The following FIP1L1 variants were observed in gnomAD, a reference collection of about 807,000 sequenced individuals.
The protein encoded by FIP1L1 is factor interacting with PAPOLA and CPSF1, also known as pre-mRNA 3'-end-processing factor FIP1.
In FIP1L1, 21 loss-of-function variants were observed where a neutral mutation model predicts 84.6. The ratio of observed to expected loss-of-function variants is 0.25; its 90% CI spans 0.18 to 0.36. The LOEUF (loss-of-function observed/expected upper bound fraction) is 0.36, where lower values mean the gene tolerates loss of function less well. FIP1L1 is among the 10% of genes least tolerant of loss of function. The pLI is 1.00. For synonymous variants in FIP1L1, 263 were observed against 242.3 expected, an observed-to-expected ratio of 1.09 and a Z score of -0.80; for missense variants, 526 against 751.1, an observed-to-expected ratio of 0.70 and a Z score of 3.50.
intron 1 of FIP1L1, 55 bp downstream of exon 1, chr4:53,377,978 C>T (rs1231584555): frequency 7.0e-6 from 10 of 1,421,162 alleles, no homozygotes; most frequent in Non-Finnish European, 7.5e-6. Context: ...CCCTCTTGGC[C>T]CTCAAACGGC....
chr4:53,408,490 A>G lies in FIP1L1; in HGVS notation c.816-6125A>G, dbSNP rs576948941. 2.8e-4 allele frequency among the ~76,000 whole-genome samples: 43 copies of G among 152,178 alleles called. No individual in the cohort carries two copies. The East Asian group carries it at 5.0e-3, about 18-fold the overall frequency. On this transcript the variant is annotated intron_variant, in intron 10 of 17. Coordinates refer to ENST00000337488, the MANE Select transcript of FIP1L1 (RefSeq NM_030917.4). ...TATGTGTCTTGGAGTTGCTCTTCTC[A>G]AGGAGTATCTTTGTGGCGTTCTCTG...
chr4:53,403,664 G>A (rs1362434071), intron 10 of FIP1L1, among the ~76,000 whole-genome samples: 2 of 152,164 alleles, frequency 1.3e-5, no homozygotes, highest in Admixed American at 6.5e-5. Context: ...GATGAATATG[G>A]CGGATGAGGC....
At chr4:53,380,052 A>G (rs971580989) in intron 3 of FIP1L1, among the ~76,000 whole-genome samples, 21 of 152,212 alleles carry the variant, frequency 1.4e-4, no homozygotes, top group Non-Finnish European at 2.8e-4. Context: ...TTCTGGTGGG[A>G]TTGTAAAATG....
chr4:53,391,321 G>T, intron 8 of FIP1L1, 109 bp from the exon 9 acceptor site: 2 of 1,159,482 alleles, frequency 1.7e-6, no homozygotes, highest in South Asian at 2.7e-5. Flanking sequence ...ATGATTATCT[G>T]ATGTTCTTAC....
chr4:53,448,918 A>G (rs541173496), intron 15 of FIP1L1, among the ~76,000 whole-genome samples: 1 of 152,242 alleles, frequency 6.6e-6, no homozygotes, highest in African/African-American at 2.4e-5. Context: ...TGTTATATAC[A>G]TTTGAACAGT....
intron 16 of FIP1L1, 167 bp from the exon 17 acceptor site, chr4:53,458,486 C>A: frequency 1.9e-6 from 1 of 528,612 alleles, no homozygotes; most frequent in Admixed American, 3.6e-5. Context: ...TGAGAACAAG[C>A]ATTATTTTCC....
rs547436794 is a variant in FIP1L1 at position 53,441,886 on chromosome 4, G to C, written c.1175-767G>C. On this transcript the variant is annotated intron_variant, in intron 13 of 17. Coordinates refer to ENST00000337488, the MANE Select transcript of FIP1L1 (RefSeq NM_030917.4). ...TAATTGTTAACACTTGGAAGGAATT[G>C]GTATCATAAGGAATTGACATCATAA... Among the ~76,000 whole-genome samples, 8 of 151,988 alleles carry C rather than the reference G, an allele frequency of 5.3e-5. No individual in the cohort carries two copies. In the South Asian group the frequency reaches 1.7e-3, roughly 31 times the overall value.
intron 5 of FIP1L1, among the ~76,000 whole-genome samples, chr4:53,386,289 TTG>T (rs1212137271): frequency 3.9e-5 from 6 of 152,122 alleles, no homozygotes; most frequent in African/African-American, 1.2e-4. Context: ...ATTATTATTA[TTG>T]TTTTTACATT....
At chr4:53,407,959 CTG>C (rs1754670229) in intron 10 of FIP1L1, among the ~76,000 whole-genome samples, 1 of 152,170 alleles carries the variant, frequency 6.6e-6, no homozygotes, top group Non-Finnish European at 1.5e-5. Context: ...ATTTGCCAGT[CTG>C]TGTCTTTTAA....
Position 53,458,807 on chromosome 4 carries a change from AAT to A in FIP1L1, c.1637+19_1637+20del. 1.2e-6 allele frequency: 2 copies of A among 1,607,488 alleles called. No individual in the cohort carries two copies. Among genetic ancestry groups the A allele is most frequent in the South Asian group, 2.2e-5 (2 of 90,322 alleles). On this transcript the variant is annotated intron_variant, in intron 17 of 17. Transcript: ENST00000337488. ...TTCTCGAAGGTTTGCTCTTTAATAA[AAT>A]AGTGAACCAATAGTATGTGAGAGAT... is the stretch of plus-strand genomic sequence containing the variant.
chr4:53,420,321 C>T (rs938029521), intron 11 of FIP1L1, among the ~76,000 whole-genome samples: 6 of 147,684 alleles, frequency 4.1e-5, no homozygotes, highest in African/African-American at 1.2e-4. Flanking sequence ...AATCCCAGCT[C>T]GGGAGGCTGA....
At chr4:53,421,713 T>C (rs1166898040) in intron 11 of FIP1L1, among the ~76,000 whole-genome samples, 1 of 152,240 alleles carries the variant, frequency 6.6e-6, no homozygotes, top group East Asian at 1.9e-4. Flanking sequence ...GATGTCTACA[T>C]TGATATGTGA....
intron 3 of FIP1L1, among the ~76,000 whole-genome samples, chr4:53,380,570 C>G (rs560273961): frequency 6.6e-6 from 1 of 151,918 alleles, no homozygotes; most frequent in Non-Finnish European, 1.5e-5. Context: ...AAAGCTGTTA[C>G]AACAAAAAAT....
In FIP1L1 at chr4:53,389,848, A is replaced by G. The variant is rs766198822; in HGVS notation, c.372A>G (p.Thr124=). ...CACCTGTAAATCTTAACATCAAGAC[A>G]GGGGGAAGAGTTTATGGAACTACAG... ...GTAPVNLNIK[T]GGRVYGTTGT... Residue 124 remains threonine, a synonymous_variant, in exon 6 of 18, where the codon ACA becomes ACG. Coordinates refer to ENST00000337488, the MANE Select transcript of FIP1L1 (RefSeq NM_030917.4). 4.4e-6 allele frequency: 7 copies of G among 1,601,886 alleles called. No homozygotes were observed. The highest frequency in any genetic ancestry group is 2.3e-5 in the South Asian group (2 of 87,830).
intron 13 of FIP1L1, chr4:53,440,512 G>A (rs371349436): frequency 1.0e-6 from 1 of 957,402 alleles, no homozygotes; most frequent in African/African-American, 1.7e-5. Context: ...GTTTGTTTTG[G>A]TGATGGCATA....
At chr4:53,389,336 G>T (rs1742882018) in intron 5 of FIP1L1, among the ~76,000 whole-genome samples, 1 of 152,146 alleles carries the variant, frequency 6.6e-6, no homozygotes, top group Non-Finnish European at 1.5e-5. Context: ...GGGAGGCAAG[G>T]AAATGAAGAC....
At chr4:53,434,238 T>A (rs758419834) in intron 13 of FIP1L1, among the ~76,000 whole-genome samples, 1 of 152,202 alleles carries the variant, frequency 6.6e-6, no homozygotes. Flanking sequence ...TTAACATTTT[T>A]AAATTTCTTA....
At chr4:53,412,430 G>A (rs533946445) in intron 10 of FIP1L1, among the ~76,000 whole-genome samples, 4 of 152,132 alleles carry the variant, frequency 2.6e-5, no homozygotes, top group South Asian at 2.1e-4. Context: ...AGTGTCACGC[G>A]TTAAATTTAA....
rs1296087445 is a variant in FIP1L1 at position 53,444,115 on chromosome 4, T to C, written c.1285+12T>C. 2 of 1,515,418 alleles carry C rather than the reference T, an allele frequency of 1.3e-6. No homozygotes were observed. Among genetic ancestry groups the C allele is most frequent in the Admixed American group, 1.7e-5 (1 of 59,772 alleles). 93.9% of individuals were successfully genotyped at this position (1,515,418 alleles called of 1,614,324 possible). The stretch of plus-strand genomic sequence containing the variant: ...TCCATATGGCAATGGTAAGTAGTAT[T>C]ATTTAGATGCCTAGATTCAGTTTGA... On this transcript the variant is annotated intron_variant, in intron 15 of 17. Coordinates refer to ENST00000337488, the MANE Select transcript of FIP1L1 (RefSeq NM_030917.4).
Sources: gnomAD v4.1 joint callset for allele counts (sites outside exome capture counted in the v4.1 genomes callset) on GRCh38, gnomAD v4.1.1 for gene constraint, MANE v1.5 for transcripts, NCBI Gene and HGNC (gene_info 2026-07-23, HGNC 2026-07-21) for gene names.